The following LRRK2 variants were observed in gnomAD, a reference collection of about 807,000 sequenced individuals.
LRRK2 encodes leucine rich repeat kinase 2, also known as leucine-rich repeat serine/threonine-protein kinase 2.
LRRK2 carries 203 observed loss-of-function variants against 302.6 expected under a neutral mutation model. That is an observed-to-expected ratio of 0.67 (90% confidence interval 0.60 to 0.75). LRRK2 has a LOEUF of 0.75. Among genes scored for constraint, LRRK2 ranks in the 30% least tolerant of loss-of-function variants. The pLI is 0.00. For missense variants in LRRK2, 2,830 were observed against 2,951.0 expected (o/e 0.96, Z 0.95); for synonymous variants, 1,066 against 1,031.9 (o/e 1.03, Z -0.63).
At chr12:40,248,862 A>G (rs1466136573) in intron 7 of LRRK2, among the ~76,000 whole-genome samples, 1 of 152,162 alleles carries the variant, frequency 6.6e-6, no homozygotes, top group Non-Finnish European at 1.5e-5. Flanking sequence ...GTAGAAGAAA[A>G]TCTTCTTGAA....
intron 49 of LRRK2, 45 bp downstream of exon 49, chr12:40,365,095 A>C: frequency 2.0e-6 from 3 of 1,527,338 alleles, no homozygotes; most frequent in Non-Finnish European, 2.7e-6. Flanking sequence ...TCTAAGTCTT[A>C]TAAAATATGC....
chr12:40,268,824 G>A (rs182564044), intron 14 of LRRK2, among the ~76,000 whole-genome samples: 1 of 152,212 alleles, frequency 6.6e-6, no homozygotes, highest in East Asian at 1.9e-4. Context: ...GGTGGCTCAG[G>A]AAATAGACTC....
intron 26 of LRRK2, 68 bp downstream of exon 26, chr12:40,302,950 C>T (rs944745162): frequency 9.0e-6 from 10 of 1,106,770 alleles, no homozygotes; most frequent in South Asian, 2.6e-5. Context: ...AACATGATTT[C>T]GATTTAGTCA....
chr12:40,298,220 AT>A, intron 23 of LRRK2, 22 bp from the exon 24 acceptor site: 1 of 1,611,058 alleles, frequency 6.2e-7, no homozygotes, highest in Non-Finnish European at 8.5e-7. Flanking sequence ...TCACTTTAGA[AT>A]TTTAAACTAT....
intron 25 of LRRK2, among the ~76,000 whole-genome samples, chr12:40,299,586 G>A (rs1321582200): frequency 2.6e-5 from 4 of 152,102 alleles, no homozygotes; most frequent in Admixed American, 6.6e-5. Flanking sequence ...GTTAGGGGAG[G>A]GAGAGATGAA....
At chr12:40,278,376 CA>C in intron 18 of LRRK2, 115 bp downstream of exon 18, 1 of 1,266,274 alleles carries the variant, frequency 7.9e-7, no homozygotes, top group African/African-American at 1.5e-5. Flanking sequence ...AGAAATTTAC[CA>C]GTTTATTGCA....
chr12:40,278,308 G>C (rs201207042), intron 18 of LRRK2, 47 bp downstream of exon 18: 1 of 1,598,640 alleles, frequency 6.3e-7, no homozygotes, highest in Non-Finnish European at 8.6e-7. Flanking sequence ...TATTCTTATA[G>C]AATGTAAGAG....
At chr12:40,354,608 T>C (rs1946468798) in intron 45 of LRRK2, 116 bp downstream of exon 45, 1 of 939,018 alleles carries the variant, frequency 1.1e-6, no homozygotes, top group Non-Finnish European at 1.7e-6. Flanking sequence ...TTTTCATTGG[T>C]TTGCATATAT....
intron 47 of LRRK2, among the ~76,000 whole-genome samples, chr12:40,362,758 A>G (rs1001565128): frequency 1.3e-5 from 2 of 151,986 alleles, no homozygotes; most frequent in Non-Finnish European, 2.9e-5. Flanking sequence ...AAATATGTAC[A>G]ATGCCAGATG....
At chr12:40,246,042 A>AACAGAAT (rs1268580820) in intron 7 of LRRK2, among the ~76,000 whole-genome samples, 2 of 151,922 alleles carry the variant, frequency 1.3e-5, no homozygotes, top group Non-Finnish European at 2.9e-5. Context: ...CCTGATTTTA[A>AACAGAAT]ACAGAATATT....
In LRRK2 at chr12:40,323,320, T is replaced by A; in HGVS notation, c.5656+14T>A. 1.2e-6 allele frequency: 2 copies of A among 1,600,814 alleles called. No homozygotes were observed. The highest frequency in any genetic ancestry group is 1.7e-6 in the Non-Finnish European group (2 of 1,170,900). On this transcript the variant is annotated intron_variant, in intron 38 of 50. Coordinates refer to ENST00000298910, the MANE Select transcript of LRRK2 (RefSeq NM_198578.4). ...AGTTTCTCCTAGGTAATTCTTTTTG[T>A]TAATTTGAGAATAAAAATTAGGATG...
In LRRK2 at chr12:40,356,203, A is replaced by G. The variant is rs1946532415; in HGVS notation, c.6843+16A>G. 4.5e-6 allele frequency: 7 copies of G among 1,569,492 alleles called. No individual in the cohort carries two copies. Among genetic ancestry groups the G allele is most frequent in the Non-Finnish European group, 6.1e-6 (7 of 1,144,194 alleles). On this transcript the variant is annotated intron_variant, in intron 46 of 50. Coordinates refer to ENST00000298910, the MANE Select transcript of LRRK2 (RefSeq NM_198578.4). ...GACTGTTAAGGTAAATGTTGAATGC[A>G]TTCTACATCTAAATTTATTTTAAGT... is the stretch of plus-strand genomic sequence containing the variant.
intron 39 of LRRK2, among the ~76,000 whole-genome samples, chr12:40,328,901 A>G (rs1411273474): frequency 6.6e-6 from 1 of 152,196 alleles, no homozygotes; most frequent in Non-Finnish European, 1.5e-5. Flanking sequence ...CAGACCTTGA[A>G]GCCTAGCAAG....
At position 40,259,911 on chromosome 12, in the gene LRRK2, C is replaced by T. The variant is rs17465870; in HGVS notation, c.1543+307C>T. Among the ~76,000 whole-genome samples the T allele has an allele frequency of 0.16, 25,000 of 152,050 alleles. 2,136 individuals carry two copies. The highest frequency in any genetic ancestry group is 0.28 in the South Asian group (1,345 of 4,806). ...TCTTTTCTATTTTTGTTGCCATGACCTGAGTTCAAGCTTTTTTTCTCTTGT... is the reference window on the plus strand; with the variant it reads ...TCTTTTCTATTTTTGTTGCCATGACTTGAGTTCAAGCTTTTTTTCTCTTGT... On this transcript the variant is annotated intron_variant, in intron 13 of 50. Transcript: ENST00000298910.
Position 40,310,494 on chromosome 12 carries a change from C to G in LRRK2, c.4381C>G (p.Gln1461Glu), listed in dbSNP as rs898118986. ...ACATTTGGATGTTTCTGATGAGAAG[C>G]AACGCAAAGCCTGCATGAGTAAAAT... is the stretch of plus-strand genomic sequence containing the variant. Reference protein sequence around the residue: ...GTHLDVSDEKQRKACMSKITK... With the variant: ...GTHLDVSDEKERKACMSKITK... The change falls in exon 31 of 51, where the codon CAA (glutamine) becomes GAA (glutamate). Residue 1461 changes from glutamine to glutamate, a missense_variant. By Grantham distance (29) the Gln-to-Glu change is conservative. Transcript: ENST00000298910. 6.2e-7 allele frequency: 1 copy of G among 1,612,928 alleles called. No homozygotes were observed. The highest frequency in any genetic ancestry group is 2.2e-5 in the East Asian group (1 of 44,866).
intron 8 of LRRK2, among the ~76,000 whole-genome samples, 196 bp from the exon 9 acceptor site, chr12:40,251,031 CATTTT>C (rs1300957000): frequency 6.7e-6 from 1 of 148,256 alleles, no homozygotes; most frequent in African/African-American, 2.5e-5. Context: ...CCTTCTTCCT[CATTTT>C]ATTATTTATC....
In LRRK2 at chr12:40,287,560, C is replaced by G. The variant is rs4466906; in HGVS notation, c.2689+21C>G. ...TGAAGGTATTTATTATAAAAAAAAA[C>G]CCTTTATGCTTTATATTTACACACT... On this transcript the variant is annotated intron_variant, in intron 20 of 50. Transcript: ENST00000298910. 3.3e-5 allele frequency: 52 copies of G among 1,563,188 alleles called. No homozygotes were observed. In the East Asian group the frequency reaches 1.2e-3, roughly 35 times the overall value.
intron 46 of LRRK2, among the ~76,000 whole-genome samples, chr12:40,358,780 G>C (rs1213939110): frequency 6.6e-6 from 1 of 151,988 alleles, no homozygotes; most frequent in African/African-American, 2.4e-5. Context: ...AGCTTTCATG[G>C]GAATTTCATT....
At chr12:40,357,936 C>A (rs749214194) in intron 46 of LRRK2, among the ~76,000 whole-genome samples, 1 of 152,032 alleles carries the variant, frequency 6.6e-6, no homozygotes, top group East Asian at 1.9e-4. Context: ...CCATACCTGG[C>A]TGTTTATTTT....
Sources: gnomAD v4.1 joint callset for allele counts (sites outside exome capture counted in the v4.1 genomes callset) on GRCh38, gnomAD v4.1.1 for gene constraint, MANE v1.5 for transcripts, NCBI Gene and HGNC (gene_info 2026-07-23, HGNC 2026-07-21) for gene names.